Variants in TDRD5 observed in about 807,000 individuals in gnomAD.
TDRD5 encodes the protein tudor domain-containing protein 5.
In TDRD5, 41 loss-of-function variants were observed where a neutral mutation model predicts 120.6. That is an observed-to-expected ratio of 0.34 (90% confidence interval 0.26 to 0.44). The LOEUF (loss-of-function observed/expected upper bound fraction) is 0.44. Ranked by LOEUF, TDRD5 falls within the 20% of genes least tolerant of loss-of-function variation. The probability of loss-of-function intolerance (pLI) is 1.00; values close to 1 mark genes in which losing one functional copy is unlikely to be tolerated. For synonymous variants in TDRD5, 430 were observed against 433.7 expected, an observed-to-expected ratio of 0.99 and a Z score of 0.11; for missense variants, 1,006 against 1,221.2, an observed-to-expected ratio of 0.82 and a Z score of 2.63.
At position 179,654,192 on chromosome 1, in the gene TDRD5, A is replaced by T. The variant is rs1025330765; in HGVS notation, c.2161-9A>T. The T allele has an allele frequency of 6.6e-7, 1 of 1,506,402 alleles. No individual in the cohort carries two copies. The highest frequency in any genetic ancestry group is 8.9e-7 in the Non-Finnish European group (1 of 1,123,850). The allele number at this position is 1,506,402 out of a possible 1,614,324, so 93.3% of individuals were successfully genotyped here. A position where few individuals can be genotyped will look rare whatever the true frequency, so the allele number is the denominator to read the frequency against. ...TTAAAATAAAGGAATTCTCTTTCAT[A>T]TCTACTAGCAAGATATTAATGATGA... On this transcript the variant is annotated splice_polypyrimidine_tract_variant and intron_variant, in intron 13 of 17. Transcript: ENST00000444136.
In TDRD5 at chr1:179,593,586, G is replaced by T; in HGVS notation, c.359G>T (p.Arg120Leu). The T allele has an allele frequency of 6.2e-7, 1 of 1,614,200 alleles. No homozygotes were observed. The highest frequency in any genetic ancestry group is 8.5e-7 in the Non-Finnish European group (1 of 1,180,042). Residue 120 changes from arginine to leucine, a missense_variant, in exon 3 of 18, where the codon CGA becomes CTA. Around this residue, in one of 3 missense-constraint regions of TDRD5, gnomAD observed 445 missense variants for 515.5 expected, o/e 0.86. Transcript: ENST00000444136. ...TATTCTGGACCGAGATCTCATCGGC[G>T]AGTACCTTACCGAGGAAGGGTTGCC... is the stretch of plus-strand genomic sequence containing the variant. ...SIYSGPRSHRRVPYRGRVAPI... is the reference protein window; with the variant it reads ...SIYSGPRSHRLVPYRGRVAPI...
intron 17 of TDRD5, among the ~76,000 whole-genome samples, chr1:179,675,901 T>C (rs1680120485): frequency 6.6e-6 from 1 of 152,208 alleles, no homozygotes. Context: ...ATAGTTTAAG[T>C]CCACTGTTTC....
intron 7 of TDRD5, among the ~76,000 whole-genome samples, chr1:179,632,544 T>C (rs1166235014): frequency 6.6e-6 from 1 of 152,166 alleles, no homozygotes; most frequent in Non-Finnish European, 1.5e-5. Flanking sequence ...AAAATAATAC[T>C]GTTAGAATGT....
intron 17 of TDRD5, among the ~76,000 whole-genome samples, chr1:179,680,192 C>T (rs145737055): frequency 6.6e-6 from 1 of 152,124 alleles, no homozygotes; most frequent in East Asian, 1.9e-4. Context: ...AATTCTTTAA[C>T]ATTTTTGACA....
intron 6 of TDRD5, among the ~76,000 whole-genome samples, chr1:179,623,316 G>A (rs1676936497): frequency 6.6e-6 from 1 of 152,188 alleles, no homozygotes; most frequent in Non-Finnish European, 1.5e-5. Context: ...CTGGGCATAT[G>A]TGAAAGACTG....
chr1:179,682,468 C>T (rs1680476935), intron 17 of TDRD5, among the ~76,000 whole-genome samples: 1 of 152,140 alleles, frequency 6.6e-6, no homozygotes, highest in Non-Finnish European at 1.5e-5. Flanking sequence ...GTTTACCTCC[C>T]ACTTCTCAGT....
At chr1:179,658,471 T>A (rs1004353524) in intron 14 of TDRD5, among the ~76,000 whole-genome samples, 1 of 152,188 alleles carries the variant, frequency 6.6e-6, no homozygotes, top group Non-Finnish European at 1.5e-5. Context: ...AGCTATTTTA[T>A]CTTAGTCTTG....
chr1:179,652,619 T>G (rs1315996698), intron 13 of TDRD5, among the ~76,000 whole-genome samples: 1 of 152,228 alleles, frequency 6.6e-6, no homozygotes, highest in Non-Finnish European at 1.5e-5. Context: ...TTATCGAACT[T>G]GTACCACATG....
rs4628468 is a variant in TDRD5 at position 179,635,729 on chromosome 1, C to T, written c.1362C>T (p.Asp454=). The stretch of plus-strand genomic sequence containing the variant: ...TGGCAAATCATGACATCCCGCCAGA[C>T]GCTGTGCCGAACAAGAAATTATGCA... ...LAMANHDIPP[D]AVPNKKLCRL... Residue 454 remains aspartate, a synonymous_variant, in exon 9 of 18, where the codon GAC becomes GAT. Coordinates refer to ENST00000444136, the MANE Select transcript of TDRD5 (RefSeq NM_001199085.3). The T allele has an allele frequency of 0.76, 1,224,966 of 1,613,702 alleles. 466,380 individuals are homozygous for T. Among genetic ancestry groups the T allele is most frequent in the Admixed American group, 0.86 (51,820 of 59,996 alleles).
chr1:179,663,449 G>T lies in TDRD5; in HGVS notation c.2607G>T (p.Leu869=), dbSNP rs763127224. Residue 869 remains leucine (L), a synonymous_variant, in exon 16 of 18, where the codon CTG becomes CTT. Coordinates refer to ENST00000444136, the MANE Select transcript of TDRD5 (RefSeq NM_001199085.3). The part of the protein sequence containing the change: ...TKVEVHKPEV[L]GAQEKNTGTN... ...TAGAAGTTCATAAGCCAGAAGTACTGGGTGCTCAGGAAAAAAATACTGGCA... is the reference window on the plus strand; with the variant it reads ...TAGAAGTTCATAAGCCAGAAGTACTTGGTGCTCAGGAAAAAAATACTGGCA... 15 of 1,613,342 alleles carry T rather than the reference G, an allele frequency of 9.3e-6. No individual in the cohort carries two copies. Among genetic ancestry groups the T allele is most frequent in the Non-Finnish European group, 1.2e-5 (14 of 1,179,784 alleles).
intron 4 of TDRD5, among the ~76,000 whole-genome samples, chr1:179,599,119 T>C (rs1675558038): frequency 6.6e-6 from 1 of 152,114 alleles, no homozygotes; most frequent in South Asian, 2.1e-4. Flanking sequence ...GAAATTATTA[T>C]AGGACTTTTG....
At chr1:179,606,095 T>C (rs547439533) in intron 4 of TDRD5, among the ~76,000 whole-genome samples, 14 of 152,130 alleles carry the variant, frequency 9.2e-5, no homozygotes, top group African/African-American at 3.1e-4. Context: ...CCATTGCTGG[T>C]CAGCATTTGG....
intron 4 of TDRD5, among the ~76,000 whole-genome samples, chr1:179,602,017 G>A (rs1351568480): frequency 6.6e-6 from 1 of 152,176 alleles, no homozygotes; most frequent in Admixed American, 6.5e-5. Context: ...TGTTGTCCAG[G>A]CTGGTTGTGA....
In TDRD5 at chr1:179,595,724, T is replaced by C; in HGVS notation, c.737T>C (p.Met246Thr). 1.2e-6 allele frequency: 2 copies of C among 1,613,810 alleles called. No individual in the cohort carries two copies. The highest frequency in any genetic ancestry group is 1.7e-6 in the Non-Finnish European group (2 of 1,179,824). Reference sequence around the variant, plus strand: ...TGCTTTTCACAACCCACTTCAAACATGGAACCACCGAAGCAAATAATGAGC... The same window carrying C: ...TGCTTTTCACAACCCACTTCAAACACGGAACCACCGAAGCAAATAATGAGC... ...KPCFSQPTSN[M>T]EPPKQIMSME... Residue 246 changes from methionine (M) to threonine (T), a missense_variant, in exon 4 of 18, where the codon ATG becomes ACG. Transcript: ENST00000444136.
chr1:179,616,586 G>A (rs1193250119), intron 4 of TDRD5, among the ~76,000 whole-genome samples: 1 of 152,094 alleles, frequency 6.6e-6, no homozygotes, highest in Non-Finnish European at 1.5e-5. Context: ...GTATAACCAA[G>A]AAAAACTCCT....
Position 179,640,406 on chromosome 1 carries a change from G to A in TDRD5, c.1761G>A (p.Gln587=). The A allele has an allele frequency of 6.2e-7, 1 of 1,614,146 alleles. No individual in the cohort carries two copies. Among genetic ancestry groups the A allele is most frequent in the Non-Finnish European group, 8.5e-7 (1 of 1,180,002 alleles). The change falls in exon 11 of 18, where the codon CAG becomes CAA. Residue 587 remains glutamine, a synonymous_variant. Transcript: ENST00000444136. ...GCTGCTACACAAAGCTTCCAGCTCA[G>A]GCTATCCCTTGTTCTTTGGCTTGGG... ...LKCCYTKLPA[Q]AIPCSLAWVR...
chr1:179,620,391 G>T (rs1676779712), intron 5 of TDRD5, among the ~76,000 whole-genome samples: 1 of 151,948 alleles, frequency 6.6e-6, no homozygotes, highest in Non-Finnish European at 1.5e-5. Flanking sequence ...TCAAGCATGA[G>T]GATAATCATT....
At chr1:179,597,036 C>G (rs1413216943) in intron 4 of TDRD5, among the ~76,000 whole-genome samples, 1 of 152,130 alleles carries the variant, frequency 6.6e-6, no homozygotes, top group African/African-American at 2.4e-5. Context: ...TAAGTTGGAT[C>G]ATAATAATCT....
At position 179,651,024 on chromosome 1, in the gene TDRD5, C is replaced by G. The variant is rs745498131; in HGVS notation, c.1958C>G (p.Thr653Arg). ...GTCTATTTCCATCATGTCTTGAGAA[C>G]AGAGGGCCATGCTATTGTATGCCGA... Reference protein sequence around the residue: ...EDVYFHHVLRTEGHAIVCREN... With the variant: ...EDVYFHHVLRREGHAIVCREN... Residue 653 changes from threonine (T) to arginine (R), a missense_variant, in exon 12 of 18, where the codon ACA (threonine) becomes AGA (arginine). Transcript: ENST00000444136. 3.7e-6 allele frequency: 6 copies of G among 1,614,080 alleles called. No individual in the cohort carries two copies. In the South Asian group the frequency reaches 6.6e-5, roughly 18 times the overall value.
Sources: gnomAD v4.1 joint callset for allele counts (sites outside exome capture counted in the v4.1 genomes callset) on GRCh38, gnomAD v4.1.1 for gene constraint, gnomAD v4.1.1 regional missense constraint, MANE v1.5 for transcripts, NCBI Gene and HGNC (gene_info 2026-07-23, HGNC 2026-07-21) for gene names.